Variants in MALRD1 observed in about 807,000 individuals in gnomAD.
MALRD1 encodes the protein MAM and LDL receptor class A domain containing 1.
In MALRD1, 247 loss-of-function variants were observed where a neutral mutation model predicts 242.1. The observed-to-expected ratio is 1.02, with a 90% CI of 0.92 to 1.13. The LOEUF is 1.13. Ranked by LOEUF, MALRD1 falls within the 50% of genes most tolerant of loss-of-function variation. The pLI, the probability that MALRD1 is intolerant of heterozygous loss-of-function variation, is 0.00. For synonymous variants in MALRD1, 995 were observed against 866.6 expected, an observed-to-expected ratio of 1.15 and a Z score of -2.60; for missense variants, 2,989 against 2,533.1, an observed-to-expected ratio of 1.18 and a Z score of -3.86.
chr10:19,106,435 G>T (rs1382341738), intron 5 of MALRD1, among the ~76,000 whole-genome samples: 1 of 151,634 alleles, frequency 6.6e-6, no homozygotes, highest in East Asian at 1.9e-4. Flanking sequence ...GTTTATGGTT[G>T]TTCATAATGG....
Position 19,209,416 on chromosome 10 carries a change from A to T in MALRD1, c.2727A>T (p.Gly909=), listed in dbSNP as rs1564468755. 1.4e-5 allele frequency: 22 copies of T among 1,551,022 alleles called. No individual in the cohort carries two copies. Among genetic ancestry groups the T allele is most frequent in the Non-Finnish European group, 1.9e-5 (22 of 1,147,082 alleles). The change falls in exon 18 of 40, where the codon GGA becomes GGT. Residue 909 remains glycine (G), a synonymous_variant. Transcript: ENST00000454679. The part of the protein sequence containing the change: ...MKDNTLGTAK[G]HYLYIESSEP... ...ATAACACTCTGGGCACAGCTAAAGG[A>T]CACTATCTCTACATAGAATCTTCAG...
At chr10:19,450,004 A>C (rs974015143) in intron 28 of MALRD1, among the ~76,000 whole-genome samples, 1 of 152,198 alleles carries the variant, frequency 6.6e-6, no homozygotes, top group Non-Finnish European at 1.5e-5. Flanking sequence ...TCTGTCAGAT[A>C]CAACTAATTT....
At chr10:19,153,078 A>G (rs1834000701) in intron 11 of MALRD1, among the ~76,000 whole-genome samples, 1 of 152,178 alleles carries the variant, frequency 6.6e-6, no homozygotes, top group African/African-American at 2.4e-5. Context: ...TTCAACATTT[A>G]GATAGGATTC....
At chr10:19,205,470 T>C (rs1177531141) in intron 17 of MALRD1, among the ~76,000 whole-genome samples, 1 of 151,094 alleles carries the variant, frequency 6.6e-6, no homozygotes, top group Non-Finnish European at 1.5e-5. Flanking sequence ...ATACTAGAGA[T>C]ACAATGATAA....
chr10:19,072,962 TG>T (rs1835201370), intron 2 of MALRD1, among the ~76,000 whole-genome samples: 1 of 152,014 alleles, frequency 6.6e-6, no homozygotes, highest in Admixed American at 6.6e-5. Context: ...TCACTCAGGA[TG>T]GAGTGCAGTG....
chr10:19,218,090 A>G (rs1837400063), intron 18 of MALRD1, among the ~76,000 whole-genome samples: 1 of 152,048 alleles, frequency 6.6e-6, no homozygotes, highest in Non-Finnish European at 1.5e-5. Context: ...GAAACTATGG[A>G]GCTAGTATGT....
chr10:19,183,313 C>A (rs1835596491), intron 14 of MALRD1, among the ~76,000 whole-genome samples: 2 of 151,396 alleles, frequency 1.3e-5, no homozygotes, highest in African/African-American at 4.8e-5. Flanking sequence ...GTCTTCTTTG[C>A]AGCAAAAAGG....
At chr10:19,610,099 C>G (rs767766487) in intron 35 of MALRD1, among the ~76,000 whole-genome samples, 2 of 151,926 alleles carry the variant, frequency 1.3e-5, no homozygotes, top group African/African-American at 4.8e-5. Flanking sequence ...TGTTAATTAA[C>G]ACATCATAAT....
chr10:19,118,235 G>A (rs930824717), intron 5 of MALRD1, among the ~76,000 whole-genome samples: 1 of 152,184 alleles, frequency 6.6e-6, no homozygotes, highest in Non-Finnish European at 1.5e-5. Context: ...GTCAAGCTCT[G>A]TAAAATATTA....
chr10:19,314,201 G>T (rs1467103457), intron 21 of MALRD1, among the ~76,000 whole-genome samples: 6 of 151,450 alleles, frequency 4.0e-5, no homozygotes. Flanking sequence ...ATAACTTACT[G>T]GGCATCCAGC....
chr10:19,079,599 T>C (rs574939236), intron 2 of MALRD1, among the ~76,000 whole-genome samples: 89 of 152,098 alleles, frequency 5.9e-4, no homozygotes, highest in African/African-American at 2.1e-3. Flanking sequence ...CCAACTATTA[T>C]TGTTAAATGG....
chr10:19,085,974 G>T (rs74120706), intron 2 of MALRD1, among the ~76,000 whole-genome samples: 2 of 151,850 alleles, frequency 1.3e-5, no homozygotes, highest in African/African-American at 4.8e-5. Flanking sequence ...CTGATTATGC[G>T]TATTTGATTA....
intron 9 of MALRD1, among the ~76,000 whole-genome samples, chr10:19,134,828 T>C (rs1032184930): frequency 2.0e-5 from 3 of 152,122 alleles, no homozygotes; most frequent in African/African-American, 7.2e-5. Context: ...TTATTCCAGG[T>C]TCTCAAGTGG....
chr10:19,088,379 A>G lies in MALRD1; in HGVS notation c.597+194A>G, dbSNP rs78432368. Among the ~76,000 whole-genome samples the G allele has an allele frequency of 9.2e-4, 140 of 152,126 alleles. 2 individuals are homozygous for G. In the East Asian group the frequency reaches 0.022, roughly 24 times the overall value. On this transcript the variant is annotated intron_variant, in intron 4 of 39. Transcript: ENST00000454679. ...AGTCACCCTAAAAGACACTTTTACAATAAGGTTTTGAATTTTATGTATTAA... is the reference window on the plus strand; with the variant it reads ...AGTCACCCTAAAAGACACTTTTACAGTAAGGTTTTGAATTTTATGTATTAA...
intron 5 of MALRD1, among the ~76,000 whole-genome samples, chr10:19,122,985 C>G (rs1191353975): frequency 1.3e-5 from 2 of 152,194 alleles, no homozygotes; most frequent in African/African-American, 2.4e-5. Context: ...CTTGGCCTCC[C>G]AAAGGCCAGC....
chr10:19,714,049 G>A (rs1195466524), intron 38 of MALRD1, among the ~76,000 whole-genome samples: 1 of 152,152 alleles, frequency 6.6e-6, no homozygotes, highest in Non-Finnish European at 1.5e-5. Flanking sequence ...GTCTCAGTGG[G>A]CGTGTGTTAT....
At chr10:19,444,298 G>T (rs1361506605) in intron 28 of MALRD1, among the ~76,000 whole-genome samples, 1 of 152,236 alleles carries the variant, frequency 6.6e-6, no homozygotes, top group South Asian at 2.1e-4. Context: ...GGAACATTGA[G>T]CCCATTTACA....
chr10:19,581,681 C>T (rs1364101664), intron 33 of MALRD1, among the ~76,000 whole-genome samples: 79 of 149,496 alleles, frequency 5.3e-4, no homozygotes, highest in African/African-American at 1.8e-3. Context: ...AGTAAACATA[C>T]GTGTGCATGT....
At chr10:19,647,968 C>A (rs1373753933) in intron 36 of MALRD1, among the ~76,000 whole-genome samples, 2 of 152,062 alleles carry the variant, frequency 1.3e-5, no homozygotes, top group Non-Finnish European at 2.9e-5. Context: ...GGGATAATTT[C>A]CCAATTGTGG....
Sources: allele counts gnomAD v4.1 joint callset (sites outside exome capture counted in the v4.1 genomes callset), GRCh38; gene constraint gnomAD v4.1.1; transcripts MANE v1.5; gene names NCBI Gene and HGNC (gene_info 2026-07-23, HGNC 2026-07-21).